Variants in ADGRL3 observed in about 807,000 individuals in gnomAD.
ADGRL3 encodes the protein adhesion G protein-coupled receptor L3, also known as calcium-independent alpha-latrotoxin receptor 3.
Under a neutral mutation model 153.5 loss-of-function variants are expected in ADGRL3, and 62 were observed. The ratio of observed to expected loss-of-function variants is 0.40; its 90% CI spans 0.33 to 0.50. The LOEUF is 0.50. Ranked by LOEUF, ADGRL3 falls within the 20% of genes least tolerant of loss-of-function variation. The probability of loss-of-function intolerance (pLI) is 0.47; values close to 1 mark genes in which losing one functional copy is unlikely to be tolerated. For synonymous variants in ADGRL3, 710 were observed against 672.5 expected (o/e 1.06, Z -0.86); for missense variants, 1,641 against 1,859.4 (o/e 0.88, Z 2.16).
chr4:61,957,128 G>T (rs1467426098), intron 17 of ADGRL3, among the ~76,000 whole-genome samples: 1 of 152,174 alleles, frequency 6.6e-6, no homozygotes, highest in African/African-American at 2.4e-5. Flanking sequence ...ACTTTGGGCA[G>T]TATGGTCATT....
At chr4:61,946,164 C>A (rs2098922652) in intron 15 of ADGRL3, among the ~76,000 whole-genome samples, 1 of 152,110 alleles carries the variant, frequency 6.6e-6, no homozygotes, top group African/African-American at 2.4e-5. Flanking sequence ...AACAGTTGAA[C>A]TATTTTACAC....
intron 5 of ADGRL3, among the ~76,000 whole-genome samples, chr4:61,590,077 C>T (rs1293082873): frequency 6.6e-6 from 1 of 152,058 alleles, no homozygotes; most frequent in Non-Finnish European, 1.5e-5. Context: ...ATTAAAACAT[C>T]ACAACAGATT....
intron 17 of ADGRL3, among the ~76,000 whole-genome samples, chr4:61,971,392 G>C (rs1345351530): frequency 6.6e-6 from 1 of 152,036 alleles, no homozygotes; most frequent in African/African-American, 2.4e-5. Context: ...CCATCTATGA[G>C]TGAGAACATG....
chr4:61,638,185 A>G (rs2093510796), intron 5 of ADGRL3, among the ~76,000 whole-genome samples: 1 of 152,214 alleles, frequency 6.6e-6, no homozygotes, highest in Non-Finnish European at 1.5e-5. Flanking sequence ...GCATATTCCT[A>G]CAATAGAAGA....
intron 8 of ADGRL3, among the ~76,000 whole-genome samples, chr4:61,782,315 G>A (rs886368900): frequency 6.6e-6 from 1 of 152,056 alleles, no homozygotes; most frequent in Non-Finnish European, 1.5e-5. Flanking sequence ...TAAACAATGA[G>A]CAGCTGTATC....
At chr4:62,014,626 G>T (rs981200858) in intron 21 of ADGRL3, among the ~76,000 whole-genome samples, 1 of 152,124 alleles carries the variant, frequency 6.6e-6, no homozygotes, top group African/African-American at 2.4e-5. Flanking sequence ...CTTCTGCTTT[G>T]CTTTAGATAC....
intron 8 of ADGRL3, among the ~76,000 whole-genome samples, chr4:61,748,864 T>A (rs1467652260): frequency 6.6e-6 from 1 of 151,162 alleles, no homozygotes; most frequent in Admixed American, 6.6e-5. Flanking sequence ...ACAAATGGGA[T>A]CTAATTAAAC....
chr4:61,238,588 G>C (rs1340928470), intron 1 of ADGRL3, among the ~76,000 whole-genome samples: 2 of 151,866 alleles, frequency 1.3e-5, no homozygotes. Context: ...ACCTAAAATT[G>C]ATGAGCCCCA....
intron 5 of ADGRL3, among the ~76,000 whole-genome samples, chr4:61,644,938 C>T (rs200137811): frequency 6.6e-6 from 1 of 151,912 alleles, no homozygotes; most frequent in East Asian, 1.9e-4. Flanking sequence ...TTGTAGGTCA[C>T]TCAGGACTTG....
In ADGRL3 at chr4:61,340,154, A is replaced by G. The variant is rs575628322; in HGVS notation, c.-239-42970A>G. On this transcript the variant is annotated intron_variant, in intron 1 of 26. Coordinates refer to ENST00000683033, the MANE Select transcript of ADGRL3 (RefSeq NM_001387552.1). Reference sequence around the variant, plus strand: ...ATTAGGCTTGTATTTTAGACAGGACATGCATCAGAGTCATTATCCCTCAGA... The same window carrying G: ...ATTAGGCTTGTATTTTAGACAGGACGTGCATCAGAGTCATTATCCCTCAGA... 4.6e-5 allele frequency among the ~76,000 whole-genome samples: 7 copies of G among 152,292 alleles called. No homozygotes were observed. In the East Asian group the frequency reaches 1.4e-3, roughly 29 times the overall value.
chr4:61,314,584 A>T (rs957191553), intron 1 of ADGRL3, among the ~76,000 whole-genome samples: 12 of 152,204 alleles, frequency 7.9e-5, no homozygotes, highest in Non-Finnish European at 1.0e-4. Flanking sequence ...TGGGAGGTAA[A>T]GTCTTCATCA....
intron 8 of ADGRL3, among the ~76,000 whole-genome samples, chr4:61,754,071 A>T (rs1000310253): frequency 6.6e-6 from 1 of 152,190 alleles, no homozygotes; most frequent in African/African-American, 2.4e-5. Context: ...GAATTCTGTA[A>T]GCCAGGTCCA....
At chr4:61,813,714 G>T (rs1465333423) in intron 8 of ADGRL3, 95 bp from the exon 9 acceptor site, 4 of 1,421,478 alleles carry the variant, frequency 2.8e-6, no homozygotes, top group Non-Finnish European at 3.8e-6. Flanking sequence ...TATTAATTCA[G>T]TTTGGAGTGA....
intron 25 of ADGRL3, among the ~76,000 whole-genome samples, chr4:62,061,138 A>G (rs1022923530): frequency 1.3e-5 from 2 of 151,920 alleles, no homozygotes; most frequent in African/African-American, 2.4e-5. Flanking sequence ...AATTTAGAAA[A>G]GATTGAAAAT....
At chr4:61,421,101 G>A (rs1204971702) in intron 2 of ADGRL3, among the ~76,000 whole-genome samples, 4 of 152,086 alleles carry the variant, frequency 2.6e-5, no homozygotes, top group African/African-American at 7.2e-5. Context: ...ACCTGAGGCC[G>A]AGGTGGGCGG....
chr4:61,306,043 A>G (rs2094771733), intron 1 of ADGRL3, among the ~76,000 whole-genome samples: 1 of 152,020 alleles, frequency 6.6e-6, no homozygotes, highest in Non-Finnish European at 1.5e-5. Flanking sequence ...GGATCCTACC[A>G]GTTTTAGCTG....
intron 9 of ADGRL3, among the ~76,000 whole-genome samples, chr4:61,883,985 T>C (rs2098523099): frequency 6.6e-6 from 1 of 152,138 alleles, no homozygotes; most frequent in African/African-American, 2.4e-5. Flanking sequence ...TCTTTGTATT[T>C]TCTATCTTCT....
At chr4:61,733,681 G>A in intron 8 of ADGRL3, 127 bp downstream of exon 8, 1 of 699,948 alleles carries the variant, frequency 1.4e-6, no homozygotes, top group Non-Finnish European at 2.3e-6. Context: ...ATTGTTCTTT[G>A]TCTTTGCATC....
At chr4:61,448,862 G>GAGGGAAGGAAGGAAGGT (rs2097634452) in intron 2 of ADGRL3, among the ~76,000 whole-genome samples, 1 of 5,094 alleles carries the variant, frequency 2.0e-4, no homozygotes, top group Non-Finnish European at 1.3e-3. Context: ...GGAAGGGAGG[G>GAGGGAAGGAAGGAAGGT]AAGGAAGGAA....
Sources: gnomAD v4.1 joint callset for allele counts (sites outside exome capture counted in the v4.1 genomes callset) on GRCh38, gnomAD v4.1.1 for gene constraint, MANE v1.5 for transcripts, NCBI Gene and HGNC (gene_info 2026-07-23, HGNC 2026-07-21) for gene names.